CRACR2A: variants seen among roughly 807,000 people sequenced by gnomAD.
The protein encoded by CRACR2A is calcium release activated channel regulator 2A, also known as EF-hand calcium-binding domain-containing protein 4B.
A neutral mutation model predicts 90.5 loss-of-function variants in CRACR2A; 79 were observed. The ratio of observed to expected loss-of-function variants is 0.87; its 90% confidence interval spans 0.73 to 1.05. The LOEUF (loss-of-function observed/expected upper bound fraction) is 1.05. Among genes scored for constraint, CRACR2A ranks in the 50% least tolerant of loss-of-function variants. The probability of loss-of-function intolerance (pLI) is 0.00; values close to 1 mark genes in which losing one functional copy is unlikely to be tolerated. For missense variants in CRACR2A, 823 were observed against 897.2 expected (o/e 0.92, Z 1.06); for synonymous variants, 338 against 356.7 (o/e 0.95, Z 0.59).
intron 6 of CRACR2A, among the ~76,000 whole-genome samples, chr12:3,677,635 G>A (rs1945359663): frequency 6.6e-6 from 1 of 152,192 alleles, no homozygotes; most frequent in South Asian, 2.1e-4. Context: ...AATGGTCTCT[G>A]TGCTCTGGCC....
chr12:3,649,124 A>C (rs527612211), intron 10 of CRACR2A, among the ~76,000 whole-genome samples: 142 of 152,228 alleles, frequency 9.3e-4, no homozygotes, highest in African/African-American at 3.2e-3. Flanking sequence ...AGATATACCT[A>C]ATGCTAAATG....
chr12:3,644,586 G>C lies in CRACR2A; in HGVS notation c.1164+9C>G. ...GTCCCCCACAGGTAAGGGAGAACTG[G>C]CCAATTACCTGAAAACATATGTCCC... On this transcript the variant is annotated intron_variant, in intron 12 of 19. Coordinates refer to ENST00000440314, the MANE Select transcript of CRACR2A (RefSeq NM_001144958.2). 1 of 1,551,192 alleles carries C rather than the reference G, an allele frequency of 6.4e-7. No individual in the cohort carries two copies. Among genetic ancestry groups the C allele is most frequent in the South Asian group, 1.2e-5 (1 of 84,034 alleles).
At chr12:3,729,569 G>GGT (rs1039570335) in intron 2 of CRACR2A, 4 of 152,228 alleles carry the variant, frequency 2.6e-5, no homozygotes, top group African/African-American at 7.2e-5. Flanking sequence ...TGGATGTGGT[G>GGT]GTGTGCACCT....
At position 3,713,307 on chromosome 12, in the gene CRACR2A, T is replaced by C. The variant is rs368302525; in HGVS notation, c.-107A>G. ...GGAGGGTACTTTGGCCACTGGTGAC[T>C]TGAATTCCACCTAGGAAACACACAA... On this transcript the variant is annotated 5_prime_UTR_variant, in exon 3 of 20. Coordinates refer to ENST00000440314, the MANE Select transcript of CRACR2A (RefSeq NM_001144958.2). 26 of 985,280 alleles carry C rather than the reference T, an allele frequency of 2.6e-5. No homozygotes were observed. In the East Asian group the frequency reaches 6.8e-4, roughly 26 times the overall value. 61.0% of individuals were successfully genotyped at this position (985,280 alleles called of 1,614,324 possible).
chr12:3,624,923 G>A (rs1444064974), intron 17 of CRACR2A, among the ~76,000 whole-genome samples: 1 of 152,194 alleles, frequency 6.6e-6, no homozygotes, highest in Non-Finnish European at 1.5e-5. Context: ...AAATTCCCTG[G>A]GGAGCTGTTC....
chr12:3,647,422 G>A (rs1944708103), intron 11 of CRACR2A, among the ~76,000 whole-genome samples: 1 of 152,116 alleles, frequency 6.6e-6, no homozygotes, highest in Admixed American at 6.5e-5. Context: ...GAGCTGCCTT[G>A]TCATTCTCCC....
chr12:3,637,759 A>G (rs1466895039), intron 14 of CRACR2A, among the ~76,000 whole-genome samples: 3 of 152,230 alleles, frequency 2.0e-5, no homozygotes, highest in Non-Finnish European at 2.9e-5. Context: ...TGCGTCAGAA[A>G]TAAAGGCTCT....
intron 1 of CRACR2A, among the ~76,000 whole-genome samples, chr12:3,747,895 G>A (rs1212501930): frequency 6.7e-6 from 1 of 149,048 alleles, no homozygotes; most frequent in Non-Finnish European, 1.5e-5. Flanking sequence ...CACCCAGAAG[G>A]GCACAGAGTT....
intron 1 of CRACR2A, among the ~76,000 whole-genome samples, chr12:3,744,518 T>C (rs1946579505): frequency 1.3e-5 from 2 of 152,150 alleles, no homozygotes; most frequent in South Asian, 4.1e-4. Flanking sequence ...CTGCCTCGGG[T>C]ATGTTACTTA....
rs557648607 is a variant in CRACR2A at position 3,621,648 on chromosome 12, C to CAAAAAAA, written c.1933-2283_1933-2277dup. Among the ~76,000 whole-genome samples the CAAAAAAA allele has an allele frequency of 3.7e-3, 54 of 14,580 alleles. 6 individuals are homozygous for CAAAAAAA. Among genetic ancestry groups the CAAAAAAA allele is most frequent in the South Asian group, 0.016 (3 of 184 alleles). 9.6% of individuals were successfully genotyped at this position (14,580 alleles called of 152,430 possible). ...CCTCAGTGACAGAGAGAGACTCTGT[C>CAAAAAAA]AAAAAAAAAAAAAAAAAAAAAAAAA... On this transcript the variant is annotated intron_variant, in intron 17 of 19. Transcript: ENST00000440314.
At chr12:3,689,006 T>C (rs1945610415) in intron 4 of CRACR2A, among the ~76,000 whole-genome samples, 1 of 152,206 alleles carries the variant, frequency 6.6e-6, no homozygotes, top group Admixed American at 6.5e-5. Context: ...TTGGTTTGGC[T>C]GTTGTTGGTG....
intron 3 of CRACR2A, among the ~76,000 whole-genome samples, chr12:3,707,998 G>A (rs1945953670): frequency 6.6e-6 from 1 of 152,228 alleles, no homozygotes; most frequent in Non-Finnish European, 1.5e-5. Context: ...CAAAGTCGGG[G>A]CTGCAGATCC....
chr12:3,626,729 G>A (rs1439822767), intron 17 of CRACR2A, among the ~76,000 whole-genome samples: 2 of 152,196 alleles, frequency 1.3e-5, no homozygotes, highest in Admixed American at 6.5e-5. Flanking sequence ...CACTGGCAGT[G>A]GCCTTGAGAA....
At chr12:3,713,564 G>A (rs1946038680) in intron 2 of CRACR2A, among the ~76,000 whole-genome samples, 1 of 152,178 alleles carries the variant, frequency 6.6e-6, no homozygotes, top group Admixed American at 6.5e-5. Flanking sequence ...AGCCTGATGG[G>A]AGCAGGCCCT....
chr12:3,743,771 C>T (rs1262518329), intron 1 of CRACR2A, among the ~76,000 whole-genome samples: 1 of 152,182 alleles, frequency 6.6e-6, no homozygotes, highest in African/African-American at 2.4e-5. Context: ...CAGCTGACTT[C>T]ATTCCCAGAG....
At chr12:3,626,698 A>G (rs1049230248) in intron 17 of CRACR2A, among the ~76,000 whole-genome samples, 1 of 152,200 alleles carries the variant, frequency 6.6e-6, no homozygotes, top group Non-Finnish European at 1.5e-5. Flanking sequence ...GCCTGGCAAA[A>G]AGCAATTTGT....
At chr12:3,648,480 G>C (rs371628713) in intron 11 of CRACR2A, 62 bp downstream of exon 11, 2 of 1,612,986 alleles carry the variant, frequency 1.2e-6, no homozygotes, top group East Asian at 4.5e-5. Context: ...CCTCAGACTG[G>C]TCCTTCCGAC....
At chr12:3,695,243 T>C (rs759788421) in intron 4 of CRACR2A, among the ~76,000 whole-genome samples, 10 of 152,210 alleles carry the variant, frequency 6.6e-5, no homozygotes, top group Admixed American at 2.6e-4. Context: ...CAACCACCGC[T>C]ACTGCAGACC....
chr12:3,742,875 A>G (rs1296921572), intron 1 of CRACR2A, among the ~76,000 whole-genome samples: 2 of 152,226 alleles, frequency 1.3e-5, no homozygotes, highest in African/African-American at 4.8e-5. Flanking sequence ...CTCCTTGGCA[A>G]AAGTTATACA....
Sources: gnomAD v4.1 joint callset for allele counts (sites outside exome capture counted in the v4.1 genomes callset) on GRCh38, gnomAD v4.1.1 for gene constraint, MANE v1.5 for transcripts, NCBI Gene and HGNC (gene_info 2026-07-23, HGNC 2026-07-21) for gene names.